NRG1: variants seen among roughly 807,000 people sequenced by gnomAD.
The protein encoded by NRG1 is pro-neuregulin-1, membrane-bound isoform.
In NRG1, 18 loss-of-function variants were observed where a neutral mutation model predicts 63.8. The ratio of observed to expected loss-of-function variants is 0.28; its 90% CI spans 0.19 to 0.42. The LOEUF is 0.42. NRG1 is among the 10% of genes least tolerant of loss of function. The pLI is 1.00. For synonymous variants in NRG1, 302 were observed against 301.3 expected, an observed-to-expected ratio of 1.00 and a Z score of -0.02; for missense variants, 762 against 814.7, an observed-to-expected ratio of 0.94 and a Z score of 0.79.
chr8:32,632,513 C>T (rs1682701726), intron 5 of NRG1, among the ~76,000 whole-genome samples: 3 of 141,908 alleles, frequency 2.1e-5, no homozygotes, highest in Non-Finnish European at 3.0e-5. Flanking sequence ...CACGCCATTG[C>T]ACTCCAGCCT....
At chr8:32,647,772 C>T in intron 5 of NRG1, 3 of 1,608,306 alleles carry the variant, frequency 1.9e-6, no homozygotes, top group Non-Finnish European at 2.6e-6. Flanking sequence ...GTCCTCCAGC[C>T]CCTCCACTCA....
chr8:32,561,811 G>T (rs1192621570), intron 1 of NRG1, among the ~76,000 whole-genome samples: 1 of 149,604 alleles, frequency 6.7e-6, no homozygotes, highest in Admixed American at 6.8e-5. Flanking sequence ...AGTTCAGTTT[G>T]CATTAGGGGA....
intron 1 of NRG1, among the ~76,000 whole-genome samples, chr8:32,469,668 A>G (rs7835405): frequency 0.62 from 93,968 of 152,022 alleles, 29,299 homozygotes; most frequent in East Asian, 0.8. Flanking sequence ...AAGGAAATTT[A>G]TAAATTTGTA....
chr8:31,688,836 C>T (rs1336579421), intron 1 of NRG1, among the ~76,000 whole-genome samples: 1 of 152,132 alleles, frequency 6.6e-6, no homozygotes, highest in Non-Finnish European at 1.5e-5. Flanking sequence ...ACACATTTGG[C>T]TTAAAGCAAC....
chr8:31,880,740 G>T (rs1205115876), intron 1 of NRG1, among the ~76,000 whole-genome samples: 1 of 152,138 alleles, frequency 6.6e-6, no homozygotes, highest in East Asian at 1.9e-4. Flanking sequence ...TTAAATATGA[G>T]ATCTCACAAT....
At chr8:32,347,534 C>T (rs2129479173) in intron 1 of NRG1, among the ~76,000 whole-genome samples, 1 of 152,300 alleles carries the variant, frequency 6.6e-6, no homozygotes. Flanking sequence ...GTTAACACCT[C>T]ATATAGTAAT....
chr8:32,222,700 C>G (rs1586191962), intron 1 of NRG1, among the ~76,000 whole-genome samples: 1 of 152,278 alleles, frequency 6.6e-6, no homozygotes, highest in East Asian at 1.9e-4. Context: ...GCAACCATCA[C>G]ATGTGGCTCT....
chr8:32,496,536 G>T (rs576613545), intron 1 of NRG1, among the ~76,000 whole-genome samples: 1 of 152,134 alleles, frequency 6.6e-6, no homozygotes, highest in Non-Finnish European at 1.5e-5. Context: ...ATTGCGGTGA[G>T]CTATGATTGA....
At chr8:31,952,954 C>T (rs425094) in intron 1 of NRG1, among the ~76,000 whole-genome samples, 136,928 of 152,262 alleles carry the variant, frequency 0.9, 62,361 homozygotes, top group African/African-American at 0.97. Context: ...CAGTATTTTC[C>T]TGACTCAATT....
At chr8:31,639,876 A>AG (rs1465604303) in intron 1 of NRG1, 2 of 1,088,212 alleles carry the variant, frequency 1.8e-6, no homozygotes, top group Non-Finnish European at 2.2e-6. Context: ...GAGGAGGGCA[A>AG]GGGGGGAGGA....
At chr8:32,045,351 A>G (rs2130740836) in intron 1 of NRG1, among the ~76,000 whole-genome samples, 1 of 152,028 alleles carries the variant, frequency 6.6e-6, no homozygotes, top group South Asian at 2.1e-4. Flanking sequence ...GAATGGAGAC[A>G]TGTACCTTGT....
intron 1 of NRG1, among the ~76,000 whole-genome samples, chr8:32,010,910 T>G (rs1814651843): frequency 1.3e-5 from 2 of 152,052 alleles, no homozygotes; most frequent in Admixed American, 6.6e-5. Flanking sequence ...TACAAATCAT[T>G]TGCAACTAGA....
chr8:31,895,860 A>T (rs1831536922), intron 1 of NRG1, among the ~76,000 whole-genome samples: 1 of 152,138 alleles, frequency 6.6e-6, no homozygotes, highest in African/African-American at 2.4e-5. Flanking sequence ...ATATTTTCCC[A>T]GAAGTTAGAA....
chr8:32,040,265 G>A (rs1819727984), intron 1 of NRG1, among the ~76,000 whole-genome samples: 1 of 152,130 alleles, frequency 6.6e-6, no homozygotes, highest in Non-Finnish European at 1.5e-5. Context: ...GATTACCTGA[G>A]CAACCATTTG....
intron 1 of NRG1, among the ~76,000 whole-genome samples, chr8:31,822,971 G>A (rs1019348827): frequency 6.6e-5 from 10 of 152,196 alleles, no homozygotes; most frequent in Admixed American, 2.0e-4. Context: ...CATTTTTTAA[G>A]TGAAAAATGG....
intron 1 of NRG1, among the ~76,000 whole-genome samples, chr8:32,360,344 T>C (rs1807046267): frequency 6.6e-6 from 1 of 152,204 alleles, no homozygotes; most frequent in South Asian, 2.1e-4. Context: ...ATTTAAGTAT[T>C]AATAATAAAA....
chr8:32,712,187 AT>A (rs1482868935), intron 5 of NRG1, among the ~76,000 whole-genome samples: 1 of 152,122 alleles, frequency 6.6e-6, no homozygotes, highest in Non-Finnish European at 1.5e-5. Flanking sequence ...AGCCTCTCCG[AT>A]TTTCATGCTT....
chr8:32,727,514 A>C (rs1822518062), intron 5 of NRG1, among the ~76,000 whole-genome samples: 1 of 152,210 alleles, frequency 6.6e-6, no homozygotes, highest in Admixed American at 6.5e-5. Flanking sequence ...GTCAATAGGC[A>C]TGTAAAACAT....
chr8:32,132,285 T>C (rs1834929248), intron 1 of NRG1, among the ~76,000 whole-genome samples: 1 of 152,102 alleles, frequency 6.6e-6, no homozygotes, highest in African/African-American at 2.4e-5. Flanking sequence ...GTGCCTGACA[T>C]TCTGATGTCA....
Sources: allele counts gnomAD v4.1 joint callset (sites outside exome capture counted in the v4.1 genomes callset), GRCh38; gene constraint gnomAD v4.1.1; transcripts MANE v1.5; gene names NCBI Gene and HGNC (gene_info 2026-07-23, HGNC 2026-07-21).